SYTL5: variants seen among roughly 807,000 people sequenced by gnomAD.
SYTL5 encodes synaptotagmin-like protein 5.
A neutral mutation model predicts 55.9 loss-of-function variants in SYTL5; 34 were observed. The ratio of observed to expected loss-of-function variants is 0.61; its 90% CI spans 0.46 to 0.81. The LOEUF (loss-of-function observed/expected upper bound fraction) is 0.81, where lower values mean the gene tolerates loss of function less well. Among genes scored for constraint, SYTL5 ranks in the 30% least tolerant of loss-of-function variants. SYTL5 has a pLI of 0.00. For missense variants in SYTL5, 637 were observed against 546.7 expected (o/e 1.17, Z -1.65); for synonymous variants, 221 against 188.7 (o/e 1.17, Z -1.40).
At chrX:38,102,205 A>G (rs1937103231) in intron 9 of SYTL5, 137 bp from the exon 10 acceptor site, 2 of 443,506 alleles carry the variant, frequency 4.5e-6, no homozygotes, top group Non-Finnish European at 7.8e-6. Context: ...AAAAGAGAAA[A>G]ACCTAGGAAT....
At chrX:38,061,475 T>C (rs767437667) in intron 3 of SYTL5, among the ~76,000 whole-genome samples, 2 of 111,905 alleles carry the variant, frequency 1.8e-5, no homozygotes, top group East Asian at 5.6e-4. Flanking sequence ...TAATAGACCA[T>C]AAAATTGAAA....
intron 1 of SYTL5, among the ~76,000 whole-genome samples, chrX:38,027,224 G>A (rs370667682): frequency 3.8e-4 from 43 of 111,939 alleles, no homozygotes; most frequent in African/African-American, 1.3e-3. Context: ...ATTACACAAA[G>A]AGTACAACTG....
the SYTL5 span, among the ~76,000 whole-genome samples, chrX:37,929,327 G>C: frequency 4.5e-5 from 5 of 111,473 alleles, no homozygotes; most frequent in Non-Finnish European, 9.4e-5. Context: ...GGCATGCTGA[G>C]TGGCTAAAGA....
At chrX:37,967,521 A>T in the SYTL5 span, among the ~76,000 whole-genome samples, 2 of 111,787 alleles carry the variant, frequency 1.8e-5, no homozygotes, top group East Asian at 5.6e-4. Flanking sequence ...TGATTATAAT[A>T]TATCTTAGTG....
rs1937722788 is a variant in SYTL5, at chrX:38,128,466, C to T, written c.*1736C>T. On this transcript the variant is annotated 3_prime_UTR_variant, in exon 17 of 17. Transcript: ENST00000297875. ...TTCATGCGAGTTCATATAAAATCCT[C>T]GAAAGTTTAGAAACTAGGTTTTAGT... 9.0e-6 allele frequency: 1 copy of T among 111,388 alleles called. No individual in the cohort carries two copies. Among genetic ancestry groups the T allele is most frequent in the Non-Finnish European group, 1.9e-5 (1 of 53,094 alleles). The allele number at this position is 111,388 out of a possible 1,213,427, so 9.2% of individuals were successfully genotyped here. A position where few individuals can be genotyped will look rare whatever the true frequency, so the allele number is the denominator to read the frequency against.
At chrX:37,983,511 A>G in the SYTL5 span, among the ~76,000 whole-genome samples, 1 of 112,464 alleles carries the variant, frequency 8.9e-6, no homozygotes, top group Non-Finnish European at 1.9e-5. Flanking sequence ...ACAACAGAGC[A>G]CCAAAACATA....
the SYTL5 span, among the ~76,000 whole-genome samples, chrX:37,929,840 A>G: frequency 4.4e-5 from 5 of 112,363 alleles, no homozygotes; most frequent in South Asian, 1.5e-3. Flanking sequence ...GAAAACTATA[A>G]CTGATTTGGT....
intron 13 of SYTL5, among the ~76,000 whole-genome samples, chrX:38,117,893 C>G (rs752322994): frequency 9.0e-6 from 1 of 111,572 alleles, no homozygotes; most frequent in Non-Finnish European, 1.9e-5. Flanking sequence ...GACCTGGACC[C>G]CAAAACTGGC....
intron 3 of SYTL5, among the ~76,000 whole-genome samples, chrX:38,071,533 G>A (rs999318855): frequency 8.9e-6 from 1 of 111,989 alleles, no homozygotes; most frequent in Non-Finnish European, 1.9e-5. Flanking sequence ...CACTGTACAT[G>A]TTATATCAAA....
At chrX:38,070,990 C>A (rs1197918457) in intron 3 of SYTL5, among the ~76,000 whole-genome samples, 2 of 111,389 alleles carry the variant, frequency 1.8e-5, no homozygotes, top group African/African-American at 6.5e-5. Context: ...GCCCTCATTT[C>A]ACTGATGATA....
intron 12 of SYTL5, 36 bp from the exon 13 acceptor site, chrX:38,110,285 C>T (rs758647273): frequency 8.9e-7 from 1 of 1,129,508 alleles, no homozygotes. Context: ...ATAGAGCCCT[C>T]CTTGTGGAGT....
chrX:37,987,840 G>A, the SYTL5 span, among the ~76,000 whole-genome samples: 1 of 112,106 alleles, frequency 8.9e-6, no homozygotes, highest in Non-Finnish European at 1.9e-5. Context: ...GCCCCTGGAA[G>A]ATGTGTTTAC....
chrX:38,098,983 T>C (rs113029890), intron 9 of SYTL5, among the ~76,000 whole-genome samples: 1 of 110,659 alleles, frequency 9.0e-6, no homozygotes, highest in Non-Finnish European at 1.9e-5. Flanking sequence ...AGCAGATTAA[T>C]GGTTGCCAGG....
chrX:38,076,844 T>A (rs867592054), intron 6 of SYTL5, 143 bp downstream of exon 6: 2 of 648,502 alleles, frequency 3.1e-6, no homozygotes, highest in Non-Finnish European at 4.7e-6. Context: ...GGAAGATATT[T>A]TTTAGTTGAT....
chrX:38,092,381 A>C (rs1026718926), intron 7 of SYTL5, among the ~76,000 whole-genome samples: 5 of 111,226 alleles, frequency 4.5e-5, no homozygotes, highest in Non-Finnish European at 9.4e-5. Flanking sequence ...ATGCCTCAAA[A>C]CCAGGGAGGC....
Position 38,125,292 on chromosome X carries a change from A to G in SYTL5, c.1842-6A>G. On this transcript the variant is annotated splice_region_variant and splice_polypyrimidine_tract_variant and intron_variant, in intron 15 of 16. Coordinates refer to ENST00000297875, the MANE Select transcript of SYTL5 (RefSeq NM_138780.3). ...ATTGATGATTTGATTGTTTTTTCTC[A>G]TGCAGCTACCTGCTCCCTGATGATA... The G allele has an allele frequency of 1.7e-6, 2 of 1,205,798 alleles. No homozygotes were observed. The highest frequency in any genetic ancestry group is 1.7e-5 in the African/African-American group (1 of 57,244).
At chrX:37,989,091 A>G in the SYTL5 span, among the ~76,000 whole-genome samples, 1 of 112,237 alleles carries the variant, frequency 8.9e-6, no homozygotes, top group East Asian at 2.8e-4. Context: ...CTCCAGAGAT[A>G]AAATCAAGGG....
chrX:37,954,435 G>A, the SYTL5 span, among the ~76,000 whole-genome samples: 1 of 111,640 alleles, frequency 9.0e-6, no homozygotes, highest in Non-Finnish European at 1.9e-5. Flanking sequence ...ATGAGTTCAC[G>A]TAAATGGGGA....
the SYTL5 span, among the ~76,000 whole-genome samples, chrX:37,995,383 T>G: frequency 8.9e-6 from 1 of 112,127 alleles, no homozygotes; most frequent in Admixed American, 9.4e-5. Context: ...GGGATTGTCC[T>G]TAGGGCTATT....
Sources: allele counts gnomAD v4.1 joint callset (sites outside exome capture counted in the v4.1 genomes callset), GRCh38; gene constraint gnomAD v4.1.1; transcripts MANE v1.5; gene names NCBI Gene and HGNC (gene_info 2026-07-23, HGNC 2026-07-21).